Variants in SYT12 observed in about 807,000 individuals in gnomAD.
SYT12 encodes synaptotagmin 12.
SYT12 carries 27 observed loss-of-function variants against 39.5 expected under a neutral mutation model. That is an observed-to-expected ratio of 0.68 (90% confidence interval 0.50 to 0.94). The LOEUF (loss-of-function observed/expected upper bound fraction) is 0.94. Among genes scored for constraint, SYT12 ranks in the 40% least tolerant of loss-of-function variants. The pLI, the probability that SYT12 is intolerant of heterozygous loss-of-function variation, is 0.00. For missense variants in SYT12, 536 were observed against 572.6 expected (o/e 0.94, Z 0.65); for synonymous variants, 233 against 239.7 (o/e 0.97, Z 0.26).
intron 1 of SYT12, among the ~76,000 whole-genome samples, chr11:67,009,288 G>A (rs1014481718): frequency 6.6e-6 from 1 of 152,184 alleles, no homozygotes; most frequent in Non-Finnish European, 1.5e-5. Flanking sequence ...TTACAGGCGT[G>A]AGCCACTGTG....
chr11:67,044,403 C>CG (rs978222911), intron 5 of SYT12, among the ~76,000 whole-genome samples, 190 bp from the exon 6 acceptor site: 3 of 152,092 alleles, frequency 2.0e-5, no homozygotes, highest in African/African-American at 7.2e-5. Flanking sequence ...CATGCAGTGG[C>CG]GGGGGGTGGG....
rs915126558 is a variant in SYT12, at chr11:67,049,115, C to G, written c.*358C>G. The G allele has an allele frequency of 2.5e-5, 5 of 200,660 alleles. No homozygotes were observed. Among genetic ancestry groups the G allele is most frequent in the Non-Finnish European group, 3.1e-5 (3 of 97,464 alleles). 12.4% of individuals were successfully genotyped at this position (200,660 alleles called of 1,614,324 possible). A position where few individuals can be genotyped will look rare whatever the true frequency, so the allele number is the denominator to read the frequency against. ...CCAGCAGGGGTAACACGAAGAAGACCCGGCCCTTAGGGCATCAGGAAGACT... is the reference window on the plus strand; with the variant it reads ...CCAGCAGGGGTAACACGAAGAAGACGCGGCCCTTAGGGCATCAGGAAGACT... On this transcript the variant is annotated 3_prime_UTR_variant, in exon 8 of 8. Coordinates refer to ENST00000527043, the MANE Select transcript of SYT12 (RefSeq NM_177963.4).
At chr11:67,024,559 C>T (rs1950156170) in intron 1 of SYT12, among the ~76,000 whole-genome samples, 1 of 152,160 alleles carries the variant, frequency 6.6e-6, no homozygotes, top group Admixed American at 6.5e-5. Flanking sequence ...CCTCAGTTTC[C>T]TCTCCAGTAC....
In SYT12 at chr11:67,044,717, A is replaced by AG; in HGVS notation, c.958+6dup. 1 of 1,613,424 alleles carries AG rather than the reference A, an allele frequency of 6.2e-7. No homozygotes were observed. Among genetic ancestry groups the AG allele is most frequent in the Non-Finnish European group, 8.5e-7 (1 of 1,179,842 alleles). ...ACCAACGACAAGACCACAGCGGGTAAGGCCCAGCCGGCAGCCCGGCTCCTC... is the reference window on the plus strand; with the variant it reads ...ACCAACGACAAGACCACAGCGGGTAAGGGCCCAGCCGGCAGCCCGGCTCCTC... On this transcript the variant is annotated splice_donor_region_variant and intron_variant, in intron 6 of 7. Coordinates refer to ENST00000527043, the MANE Select transcript of SYT12 (RefSeq NM_177963.4).
chr11:67,044,840 T>A, intron 6 of SYT12, 127 bp downstream of exon 6: 2 of 1,398,994 alleles, frequency 1.4e-6, no homozygotes, highest in Non-Finnish European at 1.9e-6. Flanking sequence ...CCCTCAGCTT[T>A]GCTGAGCCCA....
intron 3 of SYT12, among the ~76,000 whole-genome samples, chr11:67,035,903 C>CT (rs1391067959): frequency 7.8e-6 from 1 of 127,396 alleles, no homozygotes; most frequent in Non-Finnish European, 1.6e-5. Context: ...TCCCTCCCTC[C>CT]TTCCTTCCTT....
upstream of SYT12, among the ~76,000 whole-genome samples, chr11:67,018,783 G>A (rs1170300233): frequency 2.6e-5 from 4 of 151,124 alleles, no homozygotes; most frequent in Non-Finnish European, 5.9e-5. Flanking sequence ...AGATGGCGCC[G>A]CTGCACTCCA....
Position 67,034,806 on chromosome 11 carries a change from T to C in SYT12, c.196T>C (p.Tyr66His). Residue 66 changes from tyrosine to histidine, a missense_variant, in exon 3 of 8, where the codon TAC becomes CAC. Physicochemically the swap from Tyr to His is moderately conservative, Grantham distance 83. Coordinates refer to ENST00000527043, the MANE Select transcript of SYT12 (RefSeq NM_177963.4). ...CGACTACAGGTACCTTCAGCAGAAG[T>C]ACGGCGAGAGCTGCGCAGAGGCCAG... Reference protein sequence around the residue: ...NYDYRYLQQKYGESCAEAREK... With the variant: ...NYDYRYLQQKHGESCAEAREK... The C allele has an allele frequency of 6.3e-7, 1 of 1,587,542 alleles. No individual in the cohort carries two copies. Among genetic ancestry groups the C allele is most frequent in the Non-Finnish European group, 8.5e-7 (1 of 1,170,266 alleles).
At chr11:67,017,722 G>A (rs1950069190) in intron 3 of SYT12, among the ~76,000 whole-genome samples, 1 of 151,742 alleles carries the variant, frequency 6.6e-6, no homozygotes, top group Non-Finnish European at 1.5e-5. Context: ...CACTTTGGGA[G>A]GCCAAGACGG....
At position 67,012,390 on chromosome 11, in the gene SYT12, TAATA is replaced by T. The variant is rs568681925; in HGVS notation, c.-69+1407_-69+1410del. Among the ~76,000 whole-genome samples the T allele has an allele frequency of 5.5e-3, 832 of 152,000 alleles. 12 individuals are homozygous for T. The highest frequency in any genetic ancestry group is 0.019 in the African/African-American group (804 of 41,492). ...CATCTCAAAAAATTTTTAAAAATAA[TAATA>T]AATAAATAAAAGTCACCTCCTCCAA... On this transcript the variant is annotated intron_variant, in intron 3 of 10. Transcript: ENST00000393946.
At chr11:67,044,544 C>T (rs770774404) in intron 5 of SYT12, 49 bp from the exon 6 acceptor site, 1 of 1,597,262 alleles carries the variant, frequency 6.3e-7, no homozygotes, top group East Asian at 2.2e-5. Context: ...CCCTGGACCC[C>T]TCAAGTCGGG....
exon 1 of SYT12, chr11:67,007,423 G>C (rs532023983): frequency 8.5e-5 from 13 of 152,376 alleles, no homozygotes; most frequent in African/African-American, 3.1e-4. Flanking sequence ...TGTGTGGGGT[G>C]CTCCACTGAA....
At chr11:67,035,633 A>AT (rs1193953539) in intron 3 of SYT12, among the ~76,000 whole-genome samples, 2 of 147,096 alleles carry the variant, frequency 1.4e-5, no homozygotes, top group Non-Finnish European at 3.0e-5. Context: ...AATTTTTTGT[A>AT]TTTTTAGTAG....
At chr11:67,017,402 C>T (rs1479435807) in intron 3 of SYT12, among the ~76,000 whole-genome samples, 1 of 151,624 alleles carries the variant, frequency 6.6e-6, no homozygotes, top group Non-Finnish European at 1.5e-5. Flanking sequence ...CTCTGTCGCC[C>T]AGGCTGGAGT....
upstream of SYT12, among the ~76,000 whole-genome samples, chr11:67,020,068 G>A (rs967113939): frequency 6.6e-6 from 1 of 152,100 alleles, no homozygotes; most frequent in African/African-American, 2.4e-5. Flanking sequence ...CAACCTCAGG[G>A]TGGGGCCTCC....
upstream of SYT12, chr11:67,021,952 C>CTT (rs561515736): frequency 0.016 from 2,207 of 141,608 alleles, 40 homozygotes; most frequent in African/African-American, 0.022. Flanking sequence ...TTTTTCTTTT[C>CTT]TTTTTTTTTT....
intron 1 of SYT12, among the ~76,000 whole-genome samples, chr11:67,026,052 G>C (rs1433112370): frequency 6.6e-6 from 1 of 151,264 alleles, no homozygotes; most frequent in East Asian, 2.0e-4. Flanking sequence ...GCGAAACTCC[G>C]TCTCAAAAAA....
At chr11:67,018,274 A>T (rs529056144), upstream of SYT12, among the ~76,000 whole-genome samples, 98 of 149,844 alleles carry the variant, frequency 6.5e-4, no homozygotes, top group African/African-American at 1.5e-3. Context: ...AAAAAAAAAA[A>T]TTTTTTTTTT....
chr11:67,042,241 G>T (rs1161259576), intron 4 of SYT12, among the ~76,000 whole-genome samples: 1 of 152,188 alleles, frequency 6.6e-6, no homozygotes, highest in Non-Finnish European at 1.5e-5. Flanking sequence ...ATGGGTTAAT[G>T]TATGTGAAGT....
Sources: allele counts gnomAD v4.1 joint callset (sites outside exome capture counted in the v4.1 genomes callset), GRCh38; gene constraint gnomAD v4.1.1; transcripts MANE v1.5; gene names NCBI Gene and HGNC (gene_info 2026-07-23, HGNC 2026-07-21).